CEBPZ: variants seen among roughly 807,000 people sequenced by gnomAD.
CEBPZ encodes the protein CCAAT/enhancer-binding protein zeta.
CEBPZ carries 78 observed loss-of-function variants against 104.5 expected under a neutral mutation model. The observed-to-expected ratio is 0.75, with a 90% CI of 0.62 to 0.90. CEBPZ has a LOEUF of 0.90. Ranked by LOEUF, CEBPZ falls within the 40% of genes least tolerant of loss-of-function variation. CEBPZ has a pLI of 0.00. For synonymous variants in CEBPZ, 470 were observed against 427.0 expected (o/e 1.10, Z -1.24); for missense variants, 1,439 against 1,233.5 (o/e 1.17, Z -2.50).
chr2:37,228,723 G>A lies in CEBPZ; in HGVS notation c.470C>T (p.Pro157Leu), dbSNP rs1300163043. The change falls in exon 2 of 16, where the codon CCG becomes CTG. Residue 157 changes from proline (P) to leucine (L), a missense_variant. Pro to Leu is a moderately conservative substitution (Grantham distance 98). Transcript: ENST00000234170. ...GTTCTGTTTATCTTTCTTTACTTTC[G>A]GTGTGGTACTGCCATTCTCATCAGA... is the stretch of plus-strand genomic sequence containing the variant. ...PHSDENGSTTPKVKKDKQNIF... is the reference protein window; with the variant it reads ...PHSDENGSTTLKVKKDKQNIF... The A allele has an allele frequency of 1.1e-5, 18 of 1,613,820 alleles. No individual in the cohort carries two copies. Among genetic ancestry groups the A allele is most frequent in the Non-Finnish European group, 1.4e-5 (17 of 1,179,990 alleles).
At chr2:37,221,617 C>T (rs1287865904) in intron 4 of CEBPZ, among the ~76,000 whole-genome samples, 1 of 152,236 alleles carries the variant, frequency 6.6e-6, no homozygotes, top group Non-Finnish European at 1.5e-5. Flanking sequence ...TGACTACCTT[C>T]CAACACACAA....
chr2:37,204,030 AAT>A (rs1200481198), intron 13 of CEBPZ: 1 of 152,208 alleles, frequency 6.6e-6, no homozygotes, highest in Non-Finnish European at 1.5e-5. Context: ...CTTTTGATAA[AAT>A]AGTTTCTAAA....
chr2:37,211,455 AT>A (rs1397853593), intron 12 of CEBPZ: 1 of 234,792 alleles, frequency 4.3e-6, no homozygotes, highest in East Asian at 9.4e-5. Context: ...TCTAGAGACA[AT>A]TCTGGGTGTT....
At chr2:37,204,303 G>C (rs1422700047) in intron 13 of CEBPZ, 2 of 127,632 alleles carry the variant, frequency 1.6e-5, no homozygotes. Context: ...TTTTGAGACA[G>C]AGTCTCGCTT....
In CEBPZ at chr2:37,220,416, G is replaced by C; in HGVS notation, c.2123C>G (p.Ala708Gly). 3 of 1,594,830 alleles carry C rather than the reference G, an allele frequency of 1.9e-6. No individual in the cohort carries two copies. In the East Asian group the frequency reaches 6.8e-5, roughly 36 times the overall value. ...GAGTTCCCAAAGACTTGTATTTTCA[G>C]CTCCACAGAACAGAGGGTTTCTACT... ...PFSRNPLFCG[A>G]ENTSLWELKK... The change falls in exon 5 of 16, where the codon GCT becomes GGT. Residue 708 changes from alanine (A) to glycine (G), a missense_variant. By Grantham distance (60) the Ala-to-Gly change is moderately conservative. Coordinates refer to ENST00000234170, the MANE Select transcript of CEBPZ (RefSeq NM_005760.3).
Position 37,212,033 on chromosome 2 carries a change from C to A in CEBPZ, c.2610G>T (p.Val870=). Reference sequence around the variant, plus strand: ...CCTTAGCTCCTTTTGTTCTCTTTTTCACGTTTCTGGAAAAAAACACAACTT... The same window carrying A: ...CCTTAGCTCCTTTTGTTCTCTTTTTAACGTTTCTGGAAAAAAACACAACTT... ...GKDDMDFAGN[V]KKRTKGAKDN... is the part of the protein sequence containing the mutation. The change falls in exon 12 of 16, where the codon GTG becomes GTT. Residue 870 remains valine (V), a synonymous_variant. Transcript: ENST00000234170. The A allele has an allele frequency of 6.3e-7, 1 of 1,575,400 alleles. No homozygotes were observed. Among genetic ancestry groups the A allele is most frequent in the African/African-American group, 1.4e-5 (1 of 72,802 alleles).
chr2:37,227,334 GA>G (rs1664911550), intron 2 of CEBPZ, among the ~76,000 whole-genome samples: 1 of 152,174 alleles, frequency 6.6e-6, no homozygotes, highest in Non-Finnish European at 1.5e-5. Context: ...CTCTCAAAAT[GA>G]AAAATGTATT....
At chr2:37,225,210 T>C (rs1423181314) in intron 2 of CEBPZ, among the ~76,000 whole-genome samples, 1 of 152,202 alleles carries the variant, frequency 6.6e-6, no homozygotes, top group African/African-American at 2.4e-5. Context: ...ACCAGAGCAA[T>C]CAGTGCTATG....
chr2:37,219,397 T>C (rs1346757698), intron 5 of CEBPZ, among the ~76,000 whole-genome samples: 3 of 136,592 alleles, frequency 2.2e-5, no homozygotes, highest in African/African-American at 4.9e-5. Flanking sequence ...TCTTAAGTCA[T>C]ACTGGCTTTT....
chr2:37,211,539 TAAACTGCTA>T (rs1278176466), intron 12 of CEBPZ: 1 of 296,876 alleles, frequency 3.4e-6, no homozygotes. Flanking sequence ...TTAACTTTTA[TAAACTGCTA>T]ATTACTATCA....
At position 37,216,966 on chromosome 2, in the gene CEBPZ, G is replaced by C. The variant is rs368817719; in HGVS notation, c.2208+18C>G. ...CTTTTTTTCTTATTTCTCATCTTTG[G>C]ATTTATTTTAGACTCACCTGAAGGA... On this transcript the variant is annotated intron_variant, in intron 6 of 15. Coordinates refer to ENST00000234170, the MANE Select transcript of CEBPZ (RefSeq NM_005760.3). The C allele has an allele frequency of 4.4e-6, 7 of 1,592,140 alleles. 1 individual carries two copies. In the South Asian group the frequency reaches 7.8e-5, roughly 18 times the overall value.
chr2:37,229,513 G>T (rs189711532), intron 1 of CEBPZ, among the ~76,000 whole-genome samples: 2 of 152,176 alleles, frequency 1.3e-5, no homozygotes, highest in Admixed American at 1.3e-4. Context: ...TTTATCAGAT[G>T]AGCAAAGATA....
At chr2:37,209,056 A>AT (rs1488381899) in intron 13 of CEBPZ, 22 of 129,598 alleles carry the variant, frequency 1.7e-4, no homozygotes, top group South Asian at 2.4e-4. Flanking sequence ...CCAAAAAAAA[A>AT]AAAAATAATA....
chr2:37,224,479 G>A (rs1418878584), intron 2 of CEBPZ, among the ~76,000 whole-genome samples: 1 of 152,000 alleles, frequency 6.6e-6, no homozygotes, highest in African/African-American at 2.4e-5. Flanking sequence ...CTTTCCTATT[G>A]CTCTGAATAC....
chr2:37,212,845 A>C (rs540713340), intron 10 of CEBPZ, among the ~76,000 whole-genome samples: 92 of 149,840 alleles, frequency 6.1e-4, no homozygotes, highest in Middle Eastern at 7.0e-3. Context: ...TAAAAAAAAA[A>C]AAAAAACAAA....
chr2:37,225,247 G>A (rs577837688), intron 2 of CEBPZ, among the ~76,000 whole-genome samples: 2 of 152,326 alleles, frequency 1.3e-5, no homozygotes, highest in African/African-American at 4.8e-5. Flanking sequence ...ACAGCAAGTG[G>A]ACCTGGACTT....
chr2:37,228,260 A>C lies in CEBPZ; in HGVS notation c.933T>G (p.Pro311=). 1 of 1,614,202 alleles carries C rather than the reference A, an allele frequency of 6.2e-7. No individual in the cohort carries two copies. ...TGGACAACTGTTCCAGTTTGTCAAA[A>C]GGACGCTGGCTGAAAATCCTCAGCT... ...NRKLRIFSQR[P]FDKLEQLSSG... Residue 311 remains proline, a synonymous_variant, in exon 2 of 16, where the codon CCT becomes CCG. Coordinates refer to ENST00000234170, the MANE Select transcript of CEBPZ (RefSeq NM_005760.3).
chr2:37,229,641 T>A (rs575922894), intron 1 of CEBPZ, among the ~76,000 whole-genome samples: 3 of 152,302 alleles, frequency 2.0e-5, no homozygotes, highest in African/African-American at 7.2e-5. Flanking sequence ...GGAGGACAAT[T>A]TGTCAACTCC....
intron 13 of CEBPZ, chr2:37,210,089 C>T (rs993252744): frequency 6.6e-6 from 1 of 152,152 alleles, no homozygotes; most frequent in Non-Finnish European, 1.5e-5. Context: ...CACCTTACTC[C>T]TGCAAGAATG....
Sources: allele counts gnomAD v4.1 joint callset (sites outside exome capture counted in the v4.1 genomes callset), GRCh38; gene constraint gnomAD v4.1.1; transcripts MANE v1.5; gene names NCBI Gene and HGNC (gene_info 2026-07-23, HGNC 2026-07-21).